DERA: variants seen among roughly 807,000 people sequenced by gnomAD.
DERA encodes the protein 2-deoxy-D-ribose 5-phosphate aldolase.
DERA carries 15 observed loss-of-function variants against 41.1 expected under a neutral mutation model. The observed-to-expected ratio is 0.37, with a 90% CI of 0.24 to 0.56. The LOEUF (loss-of-function observed/expected upper bound fraction) is 0.56, where lower values mean the gene tolerates loss of function less well. DERA is among the 20% of genes least tolerant of loss of function. The pLI is 0.81. For synonymous variants in DERA, 139 were observed against 137.4 expected (o/e 1.01, Z -0.08); for missense variants, 396 against 403.4 (o/e 0.98, Z 0.16).
In DERA at chr12:15,941,886, C is replaced by T. The variant is rs995900400; in HGVS notation, c.32-15050C>T. ...TGACTTCTTTTCCTTTGGGAAGATA[C>T]CTAATAGTGGGATTGCTGGATTGAA... On this transcript the variant is annotated intron_variant, in intron 1 of 8. Transcript: ENST00000428559. This position sits in a 1 kb window ranked among gnomAD's most constrained non-coding sequence, Gnocchi z 4.5. Among the ~76,000 whole-genome samples the T allele has an allele frequency of 6.6e-6, 1 of 152,164 alleles. No individual in the cohort carries two copies. Among genetic ancestry groups the T allele is most frequent in the African/African-American group, 2.4e-5 (1 of 41,436 alleles).
chr12:15,962,887 G>A lies in DERA; in HGVS notation c.448G>A (p.Gly150Arg). The A allele has an allele frequency of 1.3e-6, 2 of 1,591,484 alleles. No homozygotes were observed. The highest frequency in any genetic ancestry group is 1.7e-6 in the Non-Finnish European group (2 of 1,168,040). The change falls in exon 5 of 9, where the codon GGA (glycine) becomes AGA (arginine). Residue 150 changes from glycine (G) to arginine (R), a missense_variant. Gly to Arg is a moderately radical substitution (Grantham distance 125). Transcript: ENST00000428559. ...AGAGATCAGATTGGCTGTGGAAGAT[G>A]GAGCTACAGAAATCGACGTGGTAAT... ...LEEIRLAVED[G>R]ATEIDVVINR... is the part of the protein sequence containing the mutation.
At position 15,994,458 on chromosome 12, in the gene DERA, A is replaced by T. The variant is rs1948823199; in HGVS notation, c.637+12022A>T. ...GCCACGTGGTTACTGATCTATTAGA[A>T]AATTCTTTTTTTTGAGACGGAGTCT... On this transcript the variant is annotated intron_variant, in intron 6 of 8. Transcript: ENST00000428559. This position sits in a 1 kb window ranked among gnomAD's most constrained non-coding sequence, Gnocchi z 4.8. 6.6e-6 allele frequency among the ~76,000 whole-genome samples: 1 copy of T among 152,134 alleles called. No homozygotes were observed. Among genetic ancestry groups the T allele is most frequent in the African/African-American group, 2.4e-5 (1 of 41,418 alleles).
chr12:15,958,747 A>G (rs1948560701), intron 3 of DERA, among the ~76,000 whole-genome samples: 1 of 152,198 alleles, frequency 6.6e-6, no homozygotes, highest in Non-Finnish European at 1.5e-5. Context: ...TTTTGAAAAT[A>G]AAGTGCAAAT....
rs113973762 is a variant in DERA at position 15,936,954 on chromosome 12, T to TCCTGC, written c.32-19967_32-19963dup. ...TCCTGTCTTGTCCTGTCCCGTCCTG[T>TCCTGC]CCTGCCCTGCCCTGCCCTGTCTTGT... On this transcript the variant is annotated intron_variant, in intron 1 of 8. Transcript: ENST00000428559. The surrounding 1 kb of genome is among the most constrained non-coding windows in gnomAD (Gnocchi z 4.6). Among the ~76,000 whole-genome samples the TCCTGC allele has an allele frequency of 8.2e-5, 12 of 146,958 alleles. No individual in the cohort carries two copies. The highest frequency in any genetic ancestry group is 2.4e-4 in the African/African-American group (9 of 37,848).
chr12:15,960,237 ATATATG>A (rs1444725938), intron 4 of DERA, among the ~76,000 whole-genome samples: 4 of 150,332 alleles, frequency 2.7e-5, no homozygotes, highest in African/African-American at 7.3e-5. Context: ...TATACATACT[ATATATG>A]TATATGTATA....
In DERA at chr12:15,911,365, C is replaced by A. The variant is rs1002273331; in HGVS notation, c.-19C>A. Reference sequence around the variant, plus strand: ...GAGGCGGGCGCCTACCAGCCGGCAGCTCCGGAGCTGCCCGCGCCATGTCCG... The same window carrying A: ...GAGGCGGGCGCCTACCAGCCGGCAGATCCGGAGCTGCCCGCGCCATGTCCG... On this transcript the variant is annotated 5_prime_UTR_variant, in exon 1 of 9. Transcript: ENST00000428559. The surrounding 1 kb of genome is among the most constrained non-coding windows in gnomAD (Gnocchi z 4.5). 7.1e-7 allele frequency: 1 copy of A among 1,418,404 alleles called. No homozygotes were observed. Among genetic ancestry groups the A allele is most frequent in the Admixed American group, 3.2e-5 (1 of 31,020 alleles). The allele number at this position is 1,418,404 out of a possible 1,614,324, so 87.9% of individuals were successfully genotyped here.
intron 1 of DERA, among the ~76,000 whole-genome samples, chr12:15,920,768 G>A (rs925038068): frequency 5.3e-5 from 8 of 152,184 alleles, no homozygotes; most frequent in African/African-American, 1.9e-4. Flanking sequence ...CCCAGGAGGC[G>A]AGGTTGCAGT....
chr12:15,964,328 C>G (rs1326842994), intron 5 of DERA, among the ~76,000 whole-genome samples: 1 of 152,228 alleles, frequency 6.6e-6, no homozygotes, highest in Non-Finnish European at 1.5e-5. Context: ...ATATTAACTA[C>G]TTTCCTGTAC....
At position 16,036,155 on chromosome 12, in the gene DERA, T is replaced by G. The variant is rs1405858749; in HGVS notation, c.751-77T>G. ...AAAGAGGGAGAGAGAGAATCAAGACTCTGATAAACATAGTACTATTTTTAA... is the reference window on the plus strand; with the variant it reads ...AAAGAGGGAGAGAGAGAATCAAGACGCTGATAAACATAGTACTATTTTTAA... On this transcript the variant is annotated intron_variant, in intron 7 of 8. Coordinates refer to ENST00000428559, the MANE Select transcript of DERA (RefSeq NM_015954.4). This position sits in a 1 kb window ranked among gnomAD's most constrained non-coding sequence, Gnocchi z 4.9. 7.9e-7 allele frequency: 1 copy of G among 1,263,536 alleles called. No individual in the cohort carries two copies. Among genetic ancestry groups the G allele is most frequent in the East Asian group, 3.0e-5 (1 of 33,640 alleles). 78.3% of individuals were successfully genotyped at this position (1,263,536 alleles called of 1,614,324 possible). A position where few individuals can be genotyped will look rare whatever the true frequency, so the allele number is the denominator to read the frequency against.
In DERA at chr12:15,977,375, C is replaced by T. The variant is rs116188880; in HGVS notation, c.509-4933C>T. 3.7e-3 allele frequency among the ~76,000 whole-genome samples: 567 copies of T among 152,320 alleles called. 3 individuals carry two copies. Among genetic ancestry groups the T allele is most frequent in the African/African-American group, 0.013 (535 of 41,568 alleles). On this transcript the variant is annotated intron_variant, in intron 5 of 8. Transcript: ENST00000428559. The stretch of plus-strand genomic sequence containing the variant: ...TACAGTTTTATTCCACGTATGAAGA[C>T]ATGACTCCTCCTCTCTGTTCTATAA...
In DERA at chr12:16,036,777, C is replaced by T. The variant is rs756996851; in HGVS notation, c.*31C>T. 27 of 1,498,710 alleles carry T rather than the reference C, an allele frequency of 1.8e-5. 1 individual carries two copies. Among genetic ancestry groups the T allele is most frequent in the South Asian group, 8.6e-5 (7 of 81,096 alleles). 92.8% of individuals were successfully genotyped at this position (1,498,710 alleles called of 1,614,324 possible). ...TCACCAGTTCCAGAAAAGTTCTTTA[C>T]GACAATGTTTAAAAATTATTTTTCT... On this transcript the variant is annotated 3_prime_UTR_variant, in exon 9 of 9. Transcript: ENST00000428559. This position sits in a 1 kb window ranked among gnomAD's most constrained non-coding sequence, Gnocchi z 4.9.
At chr12:15,960,066 T>C (rs1948572486) in intron 4 of DERA, 142 bp downstream of exon 4, 1 of 592,906 alleles carries the variant, frequency 1.7e-6, no homozygotes, top group Non-Finnish European at 2.8e-6. Context: ...GATTTTAGTA[T>C]GTACTAATTG....
Position 15,959,302 on chromosome 12 carries a change from T to A in DERA, c.278-527T>A, listed in dbSNP as rs982654283. ...GTGACTATTTGAATTCTAAATTTTT[T>A]AAAATTTATGAACTTATTTCTTAAA... On this transcript the variant is annotated intron_variant, in intron 3 of 8. Transcript: ENST00000428559. The surrounding 1 kb of genome is among the most constrained non-coding windows in gnomAD (Gnocchi z 4.5). 3.0e-4 allele frequency among the ~76,000 whole-genome samples: 46 copies of A among 152,236 alleles called. No homozygotes were observed. The highest frequency in any genetic ancestry group is 5.9e-4 in the Non-Finnish European group (40 of 68,040).
intron 1 of DERA, among the ~76,000 whole-genome samples, chr12:15,950,316 T>C (rs1257334364): frequency 6.6e-6 from 1 of 152,192 alleles, no homozygotes; most frequent in African/African-American, 2.4e-5. Context: ...TTTTAGACCA[T>C]ATAGGGTAAC....
intron 1 of DERA, among the ~76,000 whole-genome samples, chr12:15,953,192 A>G (rs1402922186): frequency 1.3e-5 from 2 of 152,164 alleles, no homozygotes; most frequent in African/African-American, 4.8e-5. Context: ...GGATAAGCCT[A>G]CTGTGACCTA....
At chr12:15,914,979 T>A (rs1339504803) in intron 1 of DERA, among the ~76,000 whole-genome samples, 1 of 152,190 alleles carries the variant, frequency 6.6e-6, no homozygotes, top group Non-Finnish European at 1.5e-5. Flanking sequence ...GTTTTTGCCA[T>A]GTTGGCCAGG....
chr12:15,973,642 G>C (rs1032350369), intron 5 of DERA, among the ~76,000 whole-genome samples: 54 of 152,104 alleles, frequency 3.6e-4, no homozygotes, highest in Non-Finnish European at 6.6e-4. Context: ...GGAACCTTAA[G>C]TATCCAATAA....
At chr12:16,018,923 G>T (rs904888411) in intron 6 of DERA, among the ~76,000 whole-genome samples, 3 of 151,972 alleles carry the variant, frequency 2.0e-5, no homozygotes, top group African/African-American at 4.8e-5. Flanking sequence ...AGTTGAAATT[G>T]TGGGCACTGA....
At position 15,990,822 on chromosome 12, in the gene DERA, A is replaced by G. The variant is rs1240178565; in HGVS notation, c.637+8386A>G. On this transcript the variant is annotated intron_variant, in intron 6 of 8. Transcript: ENST00000428559. The surrounding 1 kb of genome is among the most constrained non-coding windows in gnomAD (Gnocchi z 4.3). ...GGCTGGATAGTAGTCCATGGTGCAT[A>G]TATATACACCACATTTTATTTATCC... is the stretch of plus-strand genomic sequence containing the variant. Among the ~76,000 whole-genome samples the G allele has an allele frequency of 1.3e-5, 2 of 152,130 alleles. No homozygotes were observed. The highest frequency in any genetic ancestry group is 2.9e-5 in the Non-Finnish European group (2 of 67,984).
Sources: allele counts gnomAD v4.1 joint callset (sites outside exome capture counted in the v4.1 genomes callset), GRCh38; gene constraint gnomAD v4.1.1; non-coding constraint Gnocchi (gnomAD v3.1); transcripts MANE v1.5; gene names NCBI Gene and HGNC (gene_info 2026-07-23, HGNC 2026-07-21).